Variants in ZNG1A observed in about 807,000 individuals in gnomAD.
The protein encoded by ZNG1A is Zn regulated GTPase metalloprotein activator 1A, also known as zinc-regulated GTPase metalloprotein activator 1A.
At chr9:133,967 C>T in the ZNG1A span, among the ~76,000 whole-genome samples, 1 of 114,662 alleles carries the variant, frequency 8.7e-6, no homozygotes, top group East Asian at 3.0e-4. Flanking sequence ...AAAGTGAGCG[C>T]TGCGTTTGCT....
At chr9:172,841 G>A in the ZNG1A span, 6 of 233,604 alleles carry the variant, frequency 2.6e-5, no homozygotes, top group Admixed American at 5.3e-5. Flanking sequence ...CTCTTCTAGG[G>A]TCTATGGTAG....
the ZNG1A span, chr9:175,811 A>G: frequency 3.7e-4 from 228 of 613,464 alleles, no homozygotes; most frequent in African/African-American, 3.6e-3. Flanking sequence ...TTGTAAATAA[A>G]AAAATTCAAA....
At chr9:137,606 G>A in the ZNG1A span, among the ~76,000 whole-genome samples, 2 of 151,392 alleles carry the variant, frequency 1.3e-5, no homozygotes, top group African/African-American at 4.9e-5. Context: ...AAGGATCATC[G>A]AGAGAAAAGT....
chr9:178,902 A>C, the ZNG1A span: 1 of 1,150,132 alleles, frequency 8.7e-7, no homozygotes, highest in African/African-American at 1.4e-5. Context: ...CTCAATGGGA[A>C]CCAATTCAGG....
chr9:145,075 A>AG, the ZNG1A span, among the ~76,000 whole-genome samples: 1 of 145,638 alleles, frequency 6.9e-6, no homozygotes, highest in Non-Finnish European at 1.5e-5. Context: ...GTGGAGAAAT[A>AG]GGAACACTTT....
At chr9:151,356 G>C in the ZNG1A span, 1 of 980,514 alleles carries the variant, frequency 1.0e-6, no homozygotes, top group Non-Finnish European at 1.2e-6. Flanking sequence ...TAGAGACTGA[G>C]TGGAACTAGA....
chr9:167,430 T>C, the ZNG1A span: 1 of 150,412 alleles, frequency 6.6e-6, no homozygotes, highest in South Asian at 2.1e-4. Context: ...TGATAAATTT[T>C]ATACCTAGCC....
the ZNG1A span, chr9:162,340 A>G: frequency 8.1e-7 from 1 of 1,234,156 alleles, no homozygotes; most frequent in Non-Finnish European, 1.1e-6. Context: ...GTTAAAGAAA[A>G]TTTCAGATAC....
At chr9:171,485 C>T in the ZNG1A span, 1 of 152,026 alleles carries the variant, frequency 6.6e-6, no homozygotes. Context: ...TAACAGAAAC[C>T]CATTGTTAGA....
chr9:176,623 T>C, the ZNG1A span, among the ~76,000 whole-genome samples: 1 of 152,080 alleles, frequency 6.6e-6, no homozygotes, highest in Non-Finnish European at 1.5e-5. Context: ...GGCTTATATT[T>C]AGAGTACTTT....
At chr9:154,647 A>T in the ZNG1A span, 36 of 1,227,190 alleles carry the variant, frequency 2.9e-5, no homozygotes, top group Middle Eastern at 4.9e-4. Context: ...CAATCAGAGT[A>T]AAAAATATTC....
the ZNG1A span, chr9:159,991 C>T: frequency 7.0e-6 from 3 of 431,080 alleles, no homozygotes; most frequent in Middle Eastern, 1.5e-3. Flanking sequence ...GAAGAAACCT[C>T]TCACTTGACC....
At chr9:164,353 A>G in the ZNG1A span, 1 of 236,636 alleles carries the variant, frequency 4.2e-6, no homozygotes, top group Non-Finnish European at 7.9e-6. Flanking sequence ...TTATCAAACA[A>G]TTTGAGCAGT....
chr9:163,266 A>T, the ZNG1A span, among the ~76,000 whole-genome samples: 6 of 151,786 alleles, frequency 4.0e-5, no homozygotes, highest in African/African-American at 1.2e-4. Flanking sequence ...TCAGGTAAAT[A>T]AAGTAAGACA....
At chr9:147,765 G>A in the ZNG1A span, 1 of 148,164 alleles carries the variant, frequency 6.7e-6, no homozygotes, top group Non-Finnish European at 1.5e-5. Context: ...CACAGACAAG[G>A]GGCACGGCGG....
chr9:176,290 GA>G, the ZNG1A span, among the ~76,000 whole-genome samples: 2 of 137,940 alleles, frequency 1.4e-5, no homozygotes, highest in East Asian at 2.0e-4. Context: ...ATCTCCAGTA[GA>G]AAAAAAATAG....
the ZNG1A span, chr9:160,244 C>A: frequency 2.2e-6 from 1 of 452,198 alleles, no homozygotes; most frequent in African/African-American, 2.0e-5. Flanking sequence ...GCTGGCTGGC[C>A]ACAGGGTACC....
chr9:175,091 T>C, the ZNG1A span, among the ~76,000 whole-genome samples: 1 of 152,130 alleles, frequency 6.6e-6, no homozygotes. Flanking sequence ...AAAAAAAACA[T>C]TTTTTCGCCA....
the ZNG1A span, among the ~76,000 whole-genome samples, chr9:143,019 C>T: frequency 1.1e-4 from 16 of 144,704 alleles, no homozygotes; most frequent in Admixed American, 1.4e-4. Flanking sequence ...CTGAATAGAC[C>T]AATAACAGGA....
Sources: allele counts gnomAD v4.1 joint callset (sites outside exome capture counted in the v4.1 genomes callset), GRCh38; gene constraint gnomAD v4.1.1; transcripts MANE v1.5; gene names NCBI Gene and HGNC (gene_info 2026-07-23, HGNC 2026-07-21).